The following ZNF277 variants were observed in gnomAD, a reference collection of about 807,000 sequenced individuals.
ZNF277 encodes zinc finger protein 277, also known as nuclear receptor-interacting factor 4.
A neutral mutation model predicts 60.7 loss-of-function variants in ZNF277; 55 were observed. The observed-to-expected ratio is 0.91, with a 90% CI of 0.73 to 1.13. The LOEUF (loss-of-function observed/expected upper bound fraction) is 1.13. ZNF277 is among the 50% of genes most tolerant of loss of function. The probability of loss-of-function intolerance (pLI) is 0.00; values close to 1 mark genes in which losing one functional copy is unlikely to be tolerated. For synonymous variants in ZNF277, 178 were observed against 179.3 expected, an observed-to-expected ratio of 0.99 and a Z score of 0.06; for missense variants, 510 against 523.0, an observed-to-expected ratio of 0.98 and a Z score of 0.24.
intron 1 of ZNF277, among the ~76,000 whole-genome samples, chr7:112,269,558 A>T (rs573917206): frequency 2.6e-5 from 4 of 152,284 alleles, no homozygotes; most frequent in Admixed American, 2.6e-4. Context: ...AACAGTTAAG[A>T]TAGCCAGTCA....
At chr7:112,252,296 C>T (rs191664021) in intron 1 of ZNF277, among the ~76,000 whole-genome samples, 2 of 152,214 alleles carry the variant, frequency 1.3e-5, no homozygotes, top group East Asian at 3.9e-4. Context: ...AAAAACAAGG[C>T]TGCTGAGTGG....
intron 1 of ZNF277, among the ~76,000 whole-genome samples, chr7:112,258,518 T>C (rs1014144070): frequency 1.3e-5 from 2 of 152,176 alleles, no homozygotes; most frequent in African/African-American, 4.8e-5. Flanking sequence ...GGGCATGCTG[T>C]ATTCTATCTG....
At chr7:112,239,511 A>G (rs752324049) in intron 1 of ZNF277, among the ~76,000 whole-genome samples, 16 of 152,032 alleles carry the variant, frequency 1.1e-4, no homozygotes, top group African/African-American at 1.7e-4. Context: ...TTTCCCCCCA[A>G]TTCCAGACAG....
chr7:112,261,512 C>A lies in ZNF277; in HGVS notation c.92-25361C>A, dbSNP rs144617255. Among the ~76,000 whole-genome samples, 7 of 152,042 alleles carry A rather than the reference C, an allele frequency of 4.6e-5. No individual in the cohort carries two copies. The East Asian group carries it at 1.2e-3, about 25-fold the overall frequency. ...TATCGACAATCATTTCTTGCTTTTT[C>A]TGTGAGGAAAGAATGATAACTCTGG... On this transcript the variant is annotated intron_variant, in intron 1 of 11. Transcript: ENST00000361822.
intron 1 of ZNF277, among the ~76,000 whole-genome samples, chr7:112,237,815 C>A (rs1227105848): frequency 6.6e-6 from 1 of 152,142 alleles, no homozygotes; most frequent in Non-Finnish European, 1.5e-5. Context: ...TCCTCCCTAA[C>A]GTATTCTGCA....
chr7:112,230,855 A>C (rs1355133984), intron 1 of ZNF277, among the ~76,000 whole-genome samples: 1 of 152,218 alleles, frequency 6.6e-6, no homozygotes, highest in Non-Finnish European at 1.5e-5. Context: ...AAAATTTACA[A>C]GAATTTTTAA....
intron 1 of ZNF277, among the ~76,000 whole-genome samples, chr7:112,221,818 A>G (rs1220219824): frequency 1.3e-5 from 2 of 152,184 alleles, no homozygotes; most frequent in African/African-American, 4.8e-5. Context: ...CCAGTTCCTA[A>G]CAGGCCACAA....
rs780667685 is a variant in ZNF277 at position 112,286,969 on chromosome 7, G to A, written c.188G>A (p.Cys63Tyr). 1 of 1,611,330 alleles carries A rather than the reference G, an allele frequency of 6.2e-7. No homozygotes were observed. Among genetic ancestry groups the A allele is most frequent in the East Asian group, 2.2e-5 (1 of 44,732 alleles). The change falls in exon 2 of 12, where the codon TGT (cysteine) becomes TAT (tyrosine). Residue 63 changes from cysteine to tyrosine, a missense_variant. Cys to Tyr is a radical substitution (Grantham distance 194). Transcript: ENST00000361822. ...TCTCCATCTGTGCCTTGTATTTTCT[G>A]TGAAGAACATTTTCCTGTGGCTGAA... ...EGSPSVPCIF[C>Y]EEHFPVAEQD...
intron 1 of ZNF277, among the ~76,000 whole-genome samples, chr7:112,225,815 T>G (rs1224286764): frequency 6.6e-6 from 1 of 152,244 alleles, no homozygotes; most frequent in Non-Finnish European, 1.5e-5. Context: ...AAATTTAGTA[T>G]ACTATTTATG....
At position 112,323,211 on chromosome 7, in the gene ZNF277, G is replaced by A. The variant is rs1025775362; in HGVS notation, c.558-4506G>A. ...GGGGCTTACATAGACCAGCACATGTGTACTGCCTTCTAGATCCCCAGGAAA... is the reference window on the plus strand; with the variant it reads ...GGGGCTTACATAGACCAGCACATGTATACTGCCTTCTAGATCCCCAGGAAA... On this transcript the variant is annotated intron_variant, in intron 5 of 11. Coordinates refer to ENST00000361822, the MANE Select transcript of ZNF277 (RefSeq NM_021994.3). Among the ~76,000 whole-genome samples the A allele has an allele frequency of 2.8e-4, 43 of 152,188 alleles. 1 individual carries two copies. Among genetic ancestry groups the A allele is most frequent in the Admixed American group, 4.6e-4 (7 of 15,282 alleles).
intron 11 of ZNF277, 54 bp downstream of exon 11, chr7:112,341,100 C>G: frequency 6.8e-7 from 1 of 1,474,308 alleles, no homozygotes; most frequent in South Asian, 1.5e-5. Flanking sequence ...TTGATTTTGT[C>G]CCTTTATTTA....
chr7:112,320,574 T>C (rs1792954494), intron 5 of ZNF277, among the ~76,000 whole-genome samples: 1 of 152,106 alleles, frequency 6.6e-6, no homozygotes, highest in African/African-American at 2.4e-5. Flanking sequence ...CAGACAAGGA[T>C]AGAGTAATGA....
At chr7:112,230,532 A>G (rs996594300) in intron 1 of ZNF277, among the ~76,000 whole-genome samples, 5 of 152,192 alleles carry the variant, frequency 3.3e-5, no homozygotes, top group Non-Finnish European at 7.3e-5. Flanking sequence ...TTTCTCCCTT[A>G]CTTATAACCA....
intron 1 of ZNF277, among the ~76,000 whole-genome samples, chr7:112,273,945 T>A (rs1193690209): frequency 1.3e-5 from 2 of 152,054 alleles, no homozygotes; most frequent in Non-Finnish European, 2.9e-5. Flanking sequence ...TTAAGAAAGT[T>A]TCTATCTCAT....
At chr7:112,309,206 C>G (rs1792667675) in intron 4 of ZNF277, among the ~76,000 whole-genome samples, 1 of 151,856 alleles carries the variant, frequency 6.6e-6, no homozygotes, top group African/African-American at 2.4e-5. Flanking sequence ...AAGAGTCAAC[C>G]CAAATGTCTC....
intron 1 of ZNF277, among the ~76,000 whole-genome samples, chr7:112,214,211 C>T (rs1436216054): frequency 2.6e-5 from 4 of 152,100 alleles, no homozygotes; most frequent in Non-Finnish European, 4.4e-5. Context: ...AAGAGGATGT[C>T]GATCAGATTC....
chr7:112,260,948 G>C (rs551808385), intron 1 of ZNF277, among the ~76,000 whole-genome samples: 1 of 152,288 alleles, frequency 6.6e-6, no homozygotes, highest in East Asian at 1.9e-4. Context: ...TGATAGATTT[G>C]TTAATGTCAT....
At chr7:112,327,589 T>A (rs775717686) in intron 5 of ZNF277, 128 bp from the exon 6 acceptor site, 7 of 667,990 alleles carry the variant, frequency 1.0e-5, no homozygotes, top group Non-Finnish European at 1.8e-5. Flanking sequence ...ATAGCTGAAA[T>A]CTTTGTGTTA....
chr7:112,232,064 T>C (rs1001492578), intron 1 of ZNF277, among the ~76,000 whole-genome samples: 2 of 93,082 alleles, frequency 2.1e-5, no homozygotes, highest in Admixed American at 9.9e-5. Context: ...TATATATATA[T>C]ATATATATAT....
Sources: gnomAD v4.1 joint callset for allele counts (sites outside exome capture counted in the v4.1 genomes callset) on GRCh38, gnomAD v4.1.1 for gene constraint, MANE v1.5 for transcripts, NCBI Gene and HGNC (gene_info 2026-07-23, HGNC 2026-07-21) for gene names.